CCNY: variants seen among roughly 807,000 people sequenced by gnomAD.
CCNY encodes cyclin-Y.
CCNY carries 19 observed loss-of-function variants against 42.8 expected under a neutral mutation model. That is an observed-to-expected ratio of 0.44 (90% confidence interval 0.31 to 0.65). The LOEUF is 0.65. Ranked by LOEUF, CCNY falls within the 30% of genes least tolerant of loss-of-function variation. The pLI, the probability that CCNY is intolerant of heterozygous loss-of-function variation, is 0.07. For synonymous variants in CCNY, 165 were observed against 162.7 expected (o/e 1.01, Z -0.11); for missense variants, 370 against 437.3 (o/e 0.85, Z 1.37).
intron 2 of CCNY, among the ~76,000 whole-genome samples, chr10:35,496,006 C>G (rs891074837): frequency 2.6e-5 from 4 of 152,152 alleles, no homozygotes; most frequent in African/African-American, 9.7e-5. Flanking sequence ...TTTTATTGTT[C>G]AAGGCCTGAT....
chr10:35,319,823 G>A (rs561826178), intron 3 of CCNY, among the ~76,000 whole-genome samples: 2 of 152,194 alleles, frequency 1.3e-5, no homozygotes, highest in Non-Finnish European at 2.9e-5. Context: ...GGTGGTAGGC[G>A]CCTGTGATCC....
intron 1 of CCNY, among the ~76,000 whole-genome samples, chr10:35,453,963 T>A (rs1838975171): frequency 2.0e-5 from 3 of 152,348 alleles, no homozygotes; most frequent in African/African-American, 7.2e-5. Context: ...TTCCATTTTT[T>A]AAAAAAGATG....
At chr10:35,347,570 A>T (rs1422649766) in intron 1 of CCNY, 3 of 238,814 alleles carry the variant, frequency 1.3e-5, no homozygotes, top group African/African-American at 2.3e-5. Context: ...GGTGGTCAAT[A>T]AGGAAAAAGA....
chr10:35,346,763 A>T (rs1021032231), intron 1 of CCNY, among the ~76,000 whole-genome samples: 10 of 152,062 alleles, frequency 6.6e-5, no homozygotes, highest in Non-Finnish European at 1.2e-4. Context: ...AGTAGCTGGG[A>T]CTATAGTCGT....
At chr10:35,413,754 G>A (rs920012364) in intron 1 of CCNY, among the ~76,000 whole-genome samples, 4 of 152,226 alleles carry the variant, frequency 2.6e-5, no homozygotes, top group African/African-American at 9.6e-5. Context: ...TCAGGGCCCA[G>A]CACCATGGCT....
intron 8 of CCNY, among the ~76,000 whole-genome samples, chr10:35,564,472 C>T (rs1428978074): frequency 6.6e-6 from 1 of 152,148 alleles, no homozygotes; most frequent in Non-Finnish European, 1.5e-5. Flanking sequence ...GTGGAGCCCT[C>T]CTCAGTCCTT....
intron 1 of CCNY, among the ~76,000 whole-genome samples, chr10:35,343,947 T>G (rs907518951): frequency 2.0e-5 from 3 of 152,236 alleles, no homozygotes; most frequent in Admixed American, 6.5e-5. Context: ...GTGTGAATCC[T>G]TTCATGATTC....
intron 7 of CCNY, among the ~76,000 whole-genome samples, chr10:35,548,953 A>G (rs540732776): frequency 1.3e-5 from 2 of 152,326 alleles, no homozygotes; most frequent in Admixed American, 6.5e-5. Flanking sequence ...TAAGATTTAA[A>G]AAACTGCTGT....
intron 1 of CCNY, among the ~76,000 whole-genome samples, chr10:35,413,718 C>G (rs1365857211): frequency 6.6e-6 from 1 of 152,090 alleles, no homozygotes; most frequent in Non-Finnish European, 1.5e-5. Flanking sequence ...AGAGAGTGGC[C>G]GTCACTAACT....
intron 1 of CCNY, among the ~76,000 whole-genome samples, chr10:35,379,768 C>CTTGCCT (rs1479592189): frequency 6.6e-6 from 1 of 152,208 alleles, no homozygotes; most frequent in Non-Finnish European, 1.5e-5. Flanking sequence ...TTCTCTCGTG[C>CTTGCCT]TTGCCTTTGC....
At chr10:35,349,168 C>G (rs1354056742) in intron 1 of CCNY, among the ~76,000 whole-genome samples, 1 of 152,226 alleles carries the variant, frequency 6.6e-6, no homozygotes, top group East Asian at 1.9e-4. Flanking sequence ...CAATCCCCCT[C>G]GGACACTGAG....
Position 35,367,808 on chromosome 10 carries a change from A to C in CCNY, c.154+30601A>C, listed in dbSNP as rs114065627. 6.8e-3 allele frequency among the ~76,000 whole-genome samples: 1,036 copies of C among 152,330 alleles called. 11 individuals carry two copies. The highest frequency in any genetic ancestry group is 0.024 in the African/African-American group (990 of 41,550). The stretch of plus-strand genomic sequence containing the variant: ...CCTAAACCTGAAAAAGGCATGTCTG[A>C]ATTACTGGATGTGAAATATTTCGTT... On this transcript the variant is annotated intron_variant, in intron 1 of 9. Transcript: ENST00000374704.
chr10:35,364,632 T>C (rs978871615), intron 1 of CCNY, among the ~76,000 whole-genome samples: 1 of 152,248 alleles, frequency 6.6e-6, no homozygotes, highest in Non-Finnish European at 1.5e-5. Context: ...TCAGCTTCAA[T>C]AGGGAACATT....
intron 3 of CCNY, among the ~76,000 whole-genome samples, chr10:35,327,929 G>A (rs1054506286): frequency 6.6e-6 from 1 of 152,148 alleles, no homozygotes; most frequent in African/African-American, 2.4e-5. Flanking sequence ...GCTTTTCAGA[G>A]GTTACCAAGT....
chr10:35,310,795 G>C (rs1835674166), intron 3 of CCNY, among the ~76,000 whole-genome samples: 1 of 152,116 alleles, frequency 6.6e-6, no homozygotes, highest in Non-Finnish European at 1.5e-5. Context: ...ACACTACTAT[G>C]ATTAGCTAAC....
intron 1 of CCNY, chr10:35,449,793 C>G (rs779603552): frequency 4.7e-5 from 46 of 985,184 alleles, no homozygotes; most frequent in Admixed American, 6.1e-5. Flanking sequence ...TGGCCTCTGT[C>G]TTCTCAGCTG....
chr10:35,461,056 T>C (rs1365098608), intron 1 of CCNY, among the ~76,000 whole-genome samples: 2 of 152,108 alleles, frequency 1.3e-5, no homozygotes, highest in Non-Finnish European at 2.9e-5. Flanking sequence ...TAGGAGACGA[T>C]GGCATGGACA....
intron 1 of CCNY, among the ~76,000 whole-genome samples, chr10:35,369,529 A>G (rs1228668676): frequency 6.6e-6 from 1 of 152,198 alleles, no homozygotes; most frequent in Non-Finnish European, 1.5e-5. Context: ...TGAGAATATA[A>G]ATTAAGAGAA....
At chr10:35,441,462 T>C (rs1394831674) in intron 1 of CCNY, among the ~76,000 whole-genome samples, 1 of 152,236 alleles carries the variant, frequency 6.6e-6, no homozygotes, top group Non-Finnish European at 1.5e-5. Context: ...CAATTGGGCT[T>C]TTCAATGGAA....
Sources: allele counts gnomAD v4.1 joint callset (sites outside exome capture counted in the v4.1 genomes callset), GRCh38; gene constraint gnomAD v4.1.1; transcripts MANE v1.5; gene names NCBI Gene and HGNC (gene_info 2026-07-23, HGNC 2026-07-21).